The following WDR37 variants were observed in gnomAD, a reference collection of about 807,000 sequenced individuals.
WDR37 encodes WD repeat domain 37.
Under a neutral mutation model 62.9 loss-of-function variants are expected in WDR37, and 19 were observed. The ratio of observed to expected loss-of-function variants is 0.30; its 90% CI spans 0.21 to 0.44. The LOEUF (loss-of-function observed/expected upper bound fraction) is 0.44. Ranked by LOEUF, WDR37 falls within the 20% of genes least tolerant of loss-of-function variation. WDR37 has a pLI of 1.00. For synonymous variants in WDR37, 250 were observed against 260.9 expected (o/e 0.96, Z 0.40); for missense variants, 474 against 657.6 (o/e 0.72, Z 3.05).
chr10:1,069,387 A>ATTTTTT (rs1368989652), intron 1 of WDR37, among the ~76,000 whole-genome samples: 2 of 30,444 alleles, frequency 6.6e-5, no homozygotes, highest in Non-Finnish European at 1.2e-4. Context: ...ATATATATAT[A>ATTTTTT]TATTTTTTTT....
At position 1,124,986 on chromosome 10, in the gene WDR37, G is replaced by C; in HGVS notation, c.1315G>C (p.Gly439Arg). The change falls in exon 13 of 14, where the codon GGA becomes CGA. Residue 439 changes from glycine to arginine, a missense_variant. Physicochemically the swap from Gly to Arg is moderately radical, Grantham distance 125. Transcript: ENST00000263150. ...ACAAGTGAGACTGTTTGATATGTCA[G>C]GAGTGCGCCTGGCGCGGCTTCCCCG... is the stretch of plus-strand genomic sequence containing the variant. The part of the protein sequence containing the change: ...NRQVRLFDMS[G>R]VRLARLPRSS... The C allele has an allele frequency of 6.2e-7, 1 of 1,614,226 alleles. No homozygotes were observed. The highest frequency in any genetic ancestry group is 1.1e-5 in the South Asian group (1 of 91,090).
chr10:1,069,319 T>C (rs1041482165), intron 1 of WDR37, among the ~76,000 whole-genome samples: 10 of 147,830 alleles, frequency 6.8e-5, no homozygotes, highest in Non-Finnish European at 1.5e-4. Flanking sequence ...TAAAACCCTG[T>C]ATATTATTGT....
intron 13 of WDR37, among the ~76,000 whole-genome samples, chr10:1,128,693 T>G (rs563860497): frequency 6.6e-6 from 1 of 152,374 alleles, no homozygotes; most frequent in African/African-American, 2.4e-5. Context: ...ACTCATTTTC[T>G]TAAAGAAGGA....
intron 11 of WDR37, among the ~76,000 whole-genome samples, chr10:1,107,238 A>T (rs1835052958): frequency 6.6e-6 from 1 of 152,212 alleles, no homozygotes; most frequent in South Asian, 2.1e-4. Context: ...CGTCCACCAG[A>T]TGCAGAGGGG....
At chr10:1,124,166 T>G in intron 11 of WDR37, 52 bp from the exon 12 acceptor site, 2 of 1,608,256 alleles carry the variant, frequency 1.2e-6, no homozygotes, top group African/African-American at 2.7e-5. Context: ...TGGGGTGTGG[T>G]GTCACGTCCT....
intron 9 of WDR37, among the ~76,000 whole-genome samples, chr10:1,099,413 A>G (rs1418669071): frequency 1.3e-5 from 2 of 152,174 alleles, no homozygotes; most frequent in Non-Finnish European, 2.9e-5. Flanking sequence ...TAGTTTTGAT[A>G]TTTTCATCTT....
chr10:1,115,070 AAGG>A (rs896786386), intron 11 of WDR37, among the ~76,000 whole-genome samples: 7 of 151,742 alleles, frequency 4.6e-5, no homozygotes, highest in African/African-American at 1.7e-4. Flanking sequence ...TTGCTATAAA[AAGG>A]AGCTGACAGG....
rs1311955994 is a variant in WDR37 at position 1,130,178 on chromosome 10, G to C, written c.*834G>C. 1 of 152,672 alleles carries C rather than the reference G, an allele frequency of 6.5e-6. No homozygotes were observed. The highest frequency in any genetic ancestry group is 1.5e-5 in the Non-Finnish European group (1 of 68,054). The allele number at this position is 152,672 out of a possible 1,614,324, so 9.5% of individuals were successfully genotyped here. A position where few individuals can be genotyped will look rare whatever the true frequency, so the allele number is the denominator to read the frequency against. On this transcript the variant is annotated 3_prime_UTR_variant, in exon 14 of 14. Transcript: ENST00000263150. ...AGAGGCCGCCTGCACACAGAGCCCA[G>C]TTAATTCTCCGCACCTCGGTTGTGT...
At chr10:1,127,251 G>A (rs1192274531) in intron 13 of WDR37, among the ~76,000 whole-genome samples, 1 of 152,198 alleles carries the variant, frequency 6.6e-6, no homozygotes. Context: ...ATTCTGTGTA[G>A]ACAGTTTTAT....
At chr10:1,110,084 A>G (rs774640204) in intron 11 of WDR37, among the ~76,000 whole-genome samples, 2 of 152,184 alleles carry the variant, frequency 1.3e-5, no homozygotes, top group Non-Finnish European at 2.9e-5. Flanking sequence ...TCAAATTATC[A>G]TGAACTAGCG....
intron 5 of WDR37, among the ~76,000 whole-genome samples, chr10:1,082,132 A>C (rs1348317618): frequency 6.6e-6 from 1 of 152,250 alleles, no homozygotes; most frequent in Non-Finnish European, 1.5e-5. Context: ...AAGATTGAAG[A>C]AATAATTTGG....
chr10:1,068,000 G>T (rs1485403049), intron 1 of WDR37, among the ~76,000 whole-genome samples: 4 of 152,186 alleles, frequency 2.6e-5, no homozygotes, highest in African/African-American at 4.8e-5. Flanking sequence ...GTTCTCACAT[G>T]TGGGAGCTAA....
intron 13 of WDR37, among the ~76,000 whole-genome samples, chr10:1,128,897 C>T (rs1328327547): frequency 1.3e-5 from 2 of 148,240 alleles, no homozygotes; most frequent in Admixed American, 6.7e-5. Context: ...GCTCAGTGGT[C>T]CATGCTTGGT....
At chr10:1,075,255 T>TAAC in intron 2 of WDR37, among the ~76,000 whole-genome samples, 1 of 151,894 alleles carries the variant, frequency 6.6e-6, no homozygotes, top group Non-Finnish European at 1.5e-5. Flanking sequence ...TTCTCAGCTT[T>TAAC]CTTTTCCATA....
chr10:1,094,347 C>T (rs778100610), intron 8 of WDR37, among the ~76,000 whole-genome samples: 28 of 152,172 alleles, frequency 1.8e-4, no homozygotes, highest in Non-Finnish European at 2.4e-4. Flanking sequence ...AGGAATAGAA[C>T]ACTGAGGTTG....
chr10:1,058,198 C>T (rs1402721468), intron 1 of WDR37, among the ~76,000 whole-genome samples: 1 of 140,042 alleles, frequency 7.1e-6, no homozygotes, highest in Non-Finnish European at 1.6e-5. Context: ...GTGCACTGGC[C>T]ACGTCTCAAC....
intron 11 of WDR37, among the ~76,000 whole-genome samples, chr10:1,109,320 T>C (rs1396457081): frequency 6.6e-6 from 1 of 152,260 alleles, no homozygotes; most frequent in Admixed American, 6.5e-5. Flanking sequence ...AGTTTTTGTA[T>C]TTATATCACC....
At chr10:1,058,514 G>A (rs1833273266) in intron 1 of WDR37, among the ~76,000 whole-genome samples, 1 of 152,180 alleles carries the variant, frequency 6.6e-6, no homozygotes, top group African/African-American at 2.4e-5. Context: ...TCAGGGAAAA[G>A]ATTTTACATC....
chr10:1,103,526 A>G lies in WDR37; in HGVS notation c.727-76A>G, dbSNP rs1834892910. ...CTCAAGAGATTAATGAGAACCATCTATTTTGTAGCTATGTCAGAAGAAACT... is the reference window on the plus strand; with the variant it reads ...CTCAAGAGATTAATGAGAACCATCTGTTTTGTAGCTATGTCAGAAGAAACT... On this transcript the variant is annotated intron_variant, in intron 9 of 13. Coordinates refer to ENST00000263150, the MANE Select transcript of WDR37 (RefSeq NM_014023.4). This position sits in a 1 kb window ranked among gnomAD's most constrained non-coding sequence, Gnocchi z 6.3. 4 of 1,464,834 alleles carry G rather than the reference A, an allele frequency of 2.7e-6. No individual in the cohort carries two copies. The highest frequency in any genetic ancestry group is 2.8e-6 in the Non-Finnish European group (3 of 1,066,262). The allele number at this position is 1,464,834 out of a possible 1,614,324, so 90.7% of individuals were successfully genotyped here.
Sources: gnomAD v4.1 joint callset for allele counts (sites outside exome capture counted in the v4.1 genomes callset) on GRCh38, gnomAD v4.1.1 for gene constraint, Gnocchi (gnomAD v3.1) non-coding constraint, MANE v1.5 for transcripts, NCBI Gene and HGNC (gene_info 2026-07-23, HGNC 2026-07-21) for gene names.